Variants in GRID1 observed in about 807,000 individuals in gnomAD.
GRID1 encodes glutamate receptor ionotropic, delta-1.
GRID1 carries 28 observed loss-of-function variants against 98.0 expected under a neutral mutation model. The observed-to-expected ratio is 0.29, with a 90% CI of 0.21 to 0.39. The LOEUF (loss-of-function observed/expected upper bound fraction) is 0.39, where lower values mean the gene tolerates loss of function less well. Ranked by LOEUF, GRID1 falls within the 10% of genes least tolerant of loss-of-function variation. The probability of loss-of-function intolerance (pLI) is 1.00; values close to 1 mark genes in which losing one functional copy is unlikely to be tolerated. For missense variants in GRID1, 1,111 were observed against 1,340.5 expected, an observed-to-expected ratio of 0.83 and a Z score of 2.67; for synonymous variants, 553 against 538.5, an observed-to-expected ratio of 1.03 and a Z score of -0.37.
intron 8 of GRID1, among the ~76,000 whole-genome samples, chr10:85,790,848 A>G (rs1444225888): frequency 6.6e-6 from 1 of 152,162 alleles, no homozygotes; most frequent in Admixed American, 6.5e-5. Context: ...TCCTGGCTGC[A>G]CAGGACCCTC....
rs544978687 is a variant in GRID1, at chr10:85,950,312, C to T, written c.727-34073G>A. 9.9e-5 allele frequency among the ~76,000 whole-genome samples: 15 copies of T among 152,210 alleles called. No individual in the cohort carries two copies. The Middle Eastern group carries it at 0.01, about 104-fold the overall frequency. On this transcript the variant is annotated intron_variant, in intron 4 of 15. Transcript: ENST00000327946. ...TTCTGGAGCTAAAGAGACATGGTTC[C>T]GGAAATGGAGTGGCAAGAACATTGA...
intron 12 of GRID1, among the ~76,000 whole-genome samples, chr10:85,669,792 A>C (rs1236990168): frequency 6.6e-6 from 1 of 152,192 alleles, no homozygotes; most frequent in Non-Finnish European, 1.5e-5. Context: ...GCAGTAACTT[A>C]GATTACTAAA....
chr10:86,108,441 C>T (rs1280991105), intron 4 of GRID1, among the ~76,000 whole-genome samples: 1 of 152,184 alleles, frequency 6.6e-6, no homozygotes, highest in Non-Finnish European at 1.5e-5. Flanking sequence ...TGGAATGGAG[C>T]TTTGTCCTAT....
chr10:86,208,442 A>G (rs978737717), intron 2 of GRID1, among the ~76,000 whole-genome samples: 12 of 151,294 alleles, frequency 7.9e-5, no homozygotes, highest in Non-Finnish European at 1.5e-4. Flanking sequence ...GTAAAAGCCC[A>G]CTCCTGAAAG....
chr10:86,307,213 T>C (rs113597427), intron 2 of GRID1, among the ~76,000 whole-genome samples: 5 of 152,310 alleles, frequency 3.3e-5, no homozygotes, highest in African/African-American at 9.6e-5. Context: ...CCAAAGGAAT[T>C]GAAATCTGTA....
At chr10:86,272,403 A>G (rs1362607158) in intron 2 of GRID1, among the ~76,000 whole-genome samples, 3 of 152,186 alleles carry the variant, frequency 2.0e-5, no homozygotes, top group Non-Finnish European at 2.9e-5. Flanking sequence ...TTACTTGCCC[A>G]TGCCCCATCC....
intron 8 of GRID1, among the ~76,000 whole-genome samples, chr10:85,739,051 C>G (rs1282257332): frequency 6.6e-6 from 1 of 151,868 alleles, no homozygotes; most frequent in East Asian, 1.9e-4. Context: ...ATAAATCCAG[C>G]CATCTGAAAT....
At chr10:86,014,427 A>C (rs995634162) in intron 4 of GRID1, among the ~76,000 whole-genome samples, 8 of 152,230 alleles carry the variant, frequency 5.3e-5, no homozygotes, top group Non-Finnish European at 1.0e-4. Flanking sequence ...AGTGAGTCAA[A>C]AAGTTAAGGA....
At chr10:86,154,574 T>C (rs931665287) in intron 3 of GRID1, among the ~76,000 whole-genome samples, 1 of 152,146 alleles carries the variant, frequency 6.6e-6, no homozygotes. Flanking sequence ...AGAGAGTGGC[T>C]GCAGATCCTG....
At chr10:85,780,499 A>T (rs917995303) in intron 8 of GRID1, among the ~76,000 whole-genome samples, 1 of 152,216 alleles carries the variant, frequency 6.6e-6, no homozygotes, top group African/African-American at 2.4e-5. Flanking sequence ...CCTTGAGCAC[A>T]TTACTTAACC....
At chr10:85,870,303 C>A (rs887778244) in intron 5 of GRID1, among the ~76,000 whole-genome samples, 2 of 152,222 alleles carry the variant, frequency 1.3e-5, no homozygotes, top group Non-Finnish European at 2.9e-5. Flanking sequence ...CTTTTGGACT[C>A]TTGTACTTAC....
At chr10:85,655,472 GT>G (rs1774411269) in intron 12 of GRID1, among the ~76,000 whole-genome samples, 1 of 152,158 alleles carries the variant, frequency 6.6e-6, no homozygotes, top group Non-Finnish European at 1.5e-5. Flanking sequence ...CTGAGTTCAT[GT>G]TTTCTGGAAG....
At position 85,602,123 on chromosome 10, in the gene GRID1, AT is replaced by A. The variant is rs1842583790; in HGVS notation, c.*149del. On this transcript the variant is annotated 3_prime_UTR_variant, in exon 16 of 16. Transcript: ENST00000327946. ...CACTTTTACCCCACTCCATTCTGTC[AT>A]TATTTACACATATGTACAAGAAAAA... 1 of 514,814 alleles carries A rather than the reference AT, an allele frequency of 1.9e-6. No individual in the cohort carries two copies. The highest frequency in any genetic ancestry group is 1.9e-5 in the African/African-American group (1 of 52,844). The allele number at this position is 514,814 out of a possible 1,614,324, so 31.9% of individuals were successfully genotyped here.
chr10:85,656,448 T>A (rs143121024), intron 12 of GRID1, among the ~76,000 whole-genome samples: 124 of 152,314 alleles, frequency 8.1e-4, no homozygotes, highest in African/African-American at 2.8e-3. Context: ...GATGCATCTA[T>A]ACATTGATGA....
At chr10:86,356,548 C>T (rs1179469439) in intron 2 of GRID1, among the ~76,000 whole-genome samples, 2 of 152,176 alleles carry the variant, frequency 1.3e-5, no homozygotes, top group African/African-American at 2.4e-5. Flanking sequence ...GCTCTCTTTC[C>T]CTCTGGCACA....
At chr10:85,699,543 T>A (rs1345614088) in intron 12 of GRID1, among the ~76,000 whole-genome samples, 1 of 152,200 alleles carries the variant, frequency 6.6e-6, no homozygotes, top group East Asian at 1.9e-4. Flanking sequence ...ATGCTTTCGA[T>A]CTTGTATTAA....
At chr10:86,327,968 T>C (rs1848076825) in intron 2 of GRID1, among the ~76,000 whole-genome samples, 1 of 151,722 alleles carries the variant, frequency 6.6e-6, no homozygotes, top group Admixed American at 6.6e-5. Context: ...ACAATATGGT[T>C]TGTTATTGTG....
chr10:85,969,386 T>A lies in GRID1; in HGVS notation c.727-53147A>T, dbSNP rs572050628. Among the ~76,000 whole-genome samples, 7 of 152,290 alleles carry A rather than the reference T, an allele frequency of 4.6e-5. No individual in the cohort carries two copies. The South Asian group carries it at 1.5e-3, about 32-fold the overall frequency. On this transcript the variant is annotated intron_variant, in intron 4 of 15. Coordinates refer to ENST00000327946, the MANE Select transcript of GRID1 (RefSeq NM_017551.3). Reference sequence around the variant, plus strand: ...ACACTCCATTCAACAAGAGGAGAATTCTTCTCATGCACACATGGAACATTT... The same window carrying A: ...ACACTCCATTCAACAAGAGGAGAATACTTCTCATGCACACATGGAACATTT...
At position 86,153,378 on chromosome 10, in the gene GRID1, A is replaced by G. The variant is rs117738586; in HGVS notation, c.521-14354T>C. Among the ~76,000 whole-genome samples, 19 of 152,388 alleles carry G rather than the reference A, an allele frequency of 1.2e-4. No homozygotes were observed. The East Asian group carries it at 3.3e-3, about 26-fold the overall frequency. On this transcript the variant is annotated intron_variant, in intron 3 of 15. Coordinates refer to ENST00000327946, the MANE Select transcript of GRID1 (RefSeq NM_017551.3). ...TGCAAGCCAGTTATTAAACATAGCC[A>G]GTATGGATTAAATTATATAAACCTA...
Sources: allele counts gnomAD v4.1 joint callset (sites outside exome capture counted in the v4.1 genomes callset), GRCh38; gene constraint gnomAD v4.1.1; transcripts MANE v1.5; gene names NCBI Gene and HGNC (gene_info 2026-07-23, HGNC 2026-07-21).